Variants in EIF4G3 observed in about 807,000 individuals in gnomAD.
The protein encoded by EIF4G3 is eukaryotic translation initiation factor 4 gamma 3, also known as eIF-4-gamma 3.
In EIF4G3, 34 loss-of-function variants were observed where a neutral mutation model predicts 186.4. The ratio of observed to expected loss-of-function variants is 0.18; its 90% confidence interval spans 0.14 to 0.24. The LOEUF is 0.24. EIF4G3 is among the 10% of genes least tolerant of loss of function. The pLI, the probability that EIF4G3 is intolerant of heterozygous loss-of-function variation, is 1.00. For synonymous variants in EIF4G3, 673 were observed against 679.5 expected, an observed-to-expected ratio of 0.99 and a Z score of 0.15; for missense variants, 1,536 against 1,948.5, an observed-to-expected ratio of 0.79 and a Z score of 3.99.
intron 3 of EIF4G3, among the ~76,000 whole-genome samples, chr1:21,067,131 C>CTTTTTTTTTTTTTTTTTTTTTTTTTTTT: frequency 8.2e-6 from 1 of 122,656 alleles, no homozygotes; most frequent in Non-Finnish European, 1.7e-5. Flanking sequence ...TTTTTCTTTT[C>CTTTTTTTTTTTTTTTTTTTTTTTTTTTT]TTTTTTTTTT....
At chr1:20,845,270 T>C (rs115897465) in intron 29 of EIF4G3, among the ~76,000 whole-genome samples, 1 of 152,276 alleles carries the variant, frequency 6.6e-6, no homozygotes, top group East Asian at 1.9e-4. Flanking sequence ...TAATTGTAGG[T>C]GTGTAGTCTT....
intron 4 of EIF4G3, among the ~76,000 whole-genome samples, chr1:21,043,021 C>T (rs1436476791): frequency 6.6e-6 from 1 of 152,090 alleles, no homozygotes; most frequent in Admixed American, 6.6e-5. Flanking sequence ...TCCCCCAAAT[C>T]TGTGGGAAAT....
chr1:20,936,411 T>C (rs1224040663), intron 14 of EIF4G3, among the ~76,000 whole-genome samples: 2 of 152,152 alleles, frequency 1.3e-5, no homozygotes, highest in Admixed American at 1.3e-4. Context: ...CAGGAATGTG[T>C]AAGGAGTCCT....
chr1:21,024,354 G>GC (rs1185022738), intron 4 of EIF4G3, among the ~76,000 whole-genome samples: 2 of 152,160 alleles, frequency 1.3e-5, no homozygotes, highest in East Asian at 3.9e-4. Context: ...GGGGGGGTCA[G>GC]CCCCCTGCCC....
intron 18 of EIF4G3, among the ~76,000 whole-genome samples, chr1:20,887,344 C>G (rs2084524032): frequency 6.6e-6 from 1 of 152,138 alleles, no homozygotes; most frequent in African/African-American, 2.4e-5. Flanking sequence ...CAATGCTGCC[C>G]TTTTGAATTC....
At chr1:20,921,503 GA>G (rs2094493711) in intron 14 of EIF4G3, among the ~76,000 whole-genome samples, 1 of 152,248 alleles carries the variant, frequency 6.6e-6, no homozygotes, top group African/African-American at 2.4e-5. Flanking sequence ...TCCAAACCAT[GA>G]TTTTAAGGTC....
chr1:21,154,075 A>G (rs768841576), intron 2 of EIF4G3, among the ~76,000 whole-genome samples: 1 of 152,200 alleles, frequency 6.6e-6, no homozygotes, highest in African/African-American at 2.4e-5. Flanking sequence ...CTCAAAGCAG[A>G]ATTAGTATAA....
intron 2 of EIF4G3, among the ~76,000 whole-genome samples, chr1:21,103,469 A>T (rs1379798760): frequency 1.3e-5 from 2 of 152,222 alleles, no homozygotes; most frequent in Admixed American, 6.5e-5. Context: ...GATTCATTTT[A>T]TCTGGAGATG....
intron 6 of EIF4G3, among the ~76,000 whole-genome samples, chr1:21,000,533 G>A (rs191721842): frequency 1.3e-5 from 2 of 151,624 alleles, no homozygotes; most frequent in Admixed American, 1.3e-4. Context: ...TGACAACTTG[G>A]GACGTAAACA....
chr1:20,951,959 T>A (rs1029245656), intron 12 of EIF4G3, among the ~76,000 whole-genome samples: 1 of 152,138 alleles, frequency 6.6e-6, no homozygotes, highest in Non-Finnish European at 1.5e-5. Context: ...TGAGATAATA[T>A]GTTTGTTAAG....
chr1:20,952,641 G>C (rs1386335154), intron 12 of EIF4G3, among the ~76,000 whole-genome samples: 1 of 152,172 alleles, frequency 6.6e-6, no homozygotes, highest in African/African-American at 2.4e-5. Flanking sequence ...CAGAGGTCAA[G>C]AGTTCGAGAT....
intron 10 of EIF4G3, among the ~76,000 whole-genome samples, chr1:20,979,469 A>G (rs1036550894): frequency 6.6e-5 from 10 of 152,200 alleles, no homozygotes; most frequent in Non-Finnish European, 1.2e-4. Flanking sequence ...CTCTACTTTC[A>G]TGGAAATTGC....
intron 3 of EIF4G3, among the ~76,000 whole-genome samples, chr1:21,061,948 T>C (rs1014717418): frequency 2.0e-5 from 3 of 151,846 alleles, no homozygotes; most frequent in Non-Finnish European, 4.4e-5. Flanking sequence ...GATTTCACCA[T>C]GTTGGCCAGG....
intron 14 of EIF4G3, among the ~76,000 whole-genome samples, chr1:20,934,681 G>A (rs2095460290): frequency 1.3e-5 from 2 of 152,026 alleles, no homozygotes; most frequent in African/African-American, 2.4e-5. Flanking sequence ...TGTAAGTGGT[G>A]TGATCTTCTC....
At chr1:21,031,748 CA>C (rs1269111314) in intron 4 of EIF4G3, among the ~76,000 whole-genome samples, 3 of 152,172 alleles carry the variant, frequency 2.0e-5, no homozygotes, top group African/African-American at 7.2e-5. Context: ...TAATAAATAG[CA>C]GAAGCAGAAT....
chr1:21,162,448 TAA>T (rs149741247), intron 2 of EIF4G3, among the ~76,000 whole-genome samples: 8 of 125,172 alleles, frequency 6.4e-5, no homozygotes, highest in Admixed American at 8.2e-5. Context: ...GACATCATCT[TAA>T]AAAAAAAAAA....
intron 3 of EIF4G3, among the ~76,000 whole-genome samples, chr1:21,072,715 A>T (rs958607148): frequency 1.6e-4 from 25 of 152,332 alleles, no homozygotes; most frequent in Admixed American, 7.2e-4. Context: ...AATATTTTTT[A>T]AAAATAAAAA....
At chr1:20,843,708 A>C (rs1229561252) in intron 29 of EIF4G3, among the ~76,000 whole-genome samples, 1 of 152,082 alleles carries the variant, frequency 6.6e-6, no homozygotes, top group African/African-American at 2.4e-5. Context: ...ACATAGGTAA[A>C]TGTGTGTCAT....
At chr1:21,035,799 G>A (rs1256563959) in intron 4 of EIF4G3, among the ~76,000 whole-genome samples, 1 of 152,204 alleles carries the variant, frequency 6.6e-6, no homozygotes, top group African/African-American at 2.4e-5. Flanking sequence ...CCCACCTTTT[G>A]CCAGGGAGGT....
Sources: gnomAD v4.1 joint callset for allele counts (sites outside exome capture counted in the v4.1 genomes callset) on GRCh38, gnomAD v4.1.1 for gene constraint, MANE v1.5 for transcripts, NCBI Gene and HGNC (gene_info 2026-07-23, HGNC 2026-07-21) for gene names.